The following BNIP3L variants were observed in gnomAD, a reference collection of about 807,000 sequenced individuals.
BNIP3L encodes the protein BCL2 interacting protein 3 like.
A neutral mutation model predicts 25.5 loss-of-function variants in BNIP3L; 10 were observed. The observed-to-expected ratio is 0.39, with a 90% CI of 0.24 to 0.67. The LOEUF is 0.67. Among genes scored for constraint, BNIP3L ranks in the 30% least tolerant of loss-of-function variants. The pLI, the probability that BNIP3L is intolerant of heterozygous loss-of-function variation, is 0.45. For synonymous variants in BNIP3L, 113 were observed against 101.2 expected (o/e 1.12, Z -0.70); for missense variants, 215 against 270.9 (o/e 0.79, Z 1.45).
intron 3 of BNIP3L, 122 bp downstream of exon 3, chr8:26,395,424 T>G: frequency 1.8e-6 from 2 of 1,092,052 alleles, no homozygotes; most frequent in Non-Finnish European, 2.6e-6. Flanking sequence ...ATTGAGTTTC[T>G]GATTTTGGAA....
rs1354841792 is a variant in BNIP3L, at chr8:26,395,265, A to G, written c.320A>G (p.Asp107Gly). Residue 107 changes from aspartate to glycine, a missense_variant, in exon 3 of 6, where the codon GAT (aspartate) becomes GGT (glycine). Physicochemically the swap from Asp to Gly is moderately conservative, Grantham distance 94 (BLOSUM62 -1). Coordinates refer to ENST00000380629, the MANE Select transcript of BNIP3L (RefSeq NM_004331.3). ...CAAGAAGATGGGCAGATCATGTTTG[A>G]TGTGGAAATGCACACCAGCAGGGAC... ...SPQEDGQIMF[D>G]VEMHTSRDHS... 1 of 1,614,092 alleles carries G rather than the reference A, an allele frequency of 6.2e-7. No individual in the cohort carries two copies. The highest frequency in any genetic ancestry group is 1.7e-5 in the Admixed American group (1 of 60,010).
intron 1 of BNIP3L, chr8:26,390,494 A>G: frequency 5.1e-6 from 5 of 985,462 alleles, no homozygotes; most frequent in Non-Finnish European, 6.0e-6. Context: ...GTGGGAGAGA[A>G]AAGAAAAAAG....
intron 1 of BNIP3L, 195 bp downstream of exon 1, chr8:26,383,425 T>A: frequency 7.1e-7 from 1 of 1,404,854 alleles, no homozygotes; most frequent in South Asian, 1.5e-5. Context: ...CTCTGTTGCC[T>A]CCTGGGGTCT....
At chr8:26,406,392 G>T (rs912222077) in intron 3 of BNIP3L, among the ~76,000 whole-genome samples, 1 of 152,156 alleles carries the variant, frequency 6.6e-6, no homozygotes, top group Non-Finnish European at 1.5e-5. Flanking sequence ...AGTATTCCTG[G>T]GTTTGAATAC....
At chr8:26,388,254 G>A (rs903066325) in intron 1 of BNIP3L, among the ~76,000 whole-genome samples, 3 of 152,168 alleles carry the variant, frequency 2.0e-5, no homozygotes, top group African/African-American at 4.8e-5. Flanking sequence ...TATAATTGTA[G>A]TAGCTAAAAC....
chr8:26,392,254 A>G (rs940117030), intron 2 of BNIP3L, among the ~76,000 whole-genome samples: 8 of 150,486 alleles, frequency 5.3e-5, no homozygotes, highest in Admixed American at 1.3e-4. Flanking sequence ...CACTGTTAGC[A>G]TTATGGGGCA....
chr8:26,390,755 A>G (rs867756464), intron 1 of BNIP3L, among the ~76,000 whole-genome samples: 1 of 152,308 alleles, frequency 6.6e-6, no homozygotes, highest in Middle Eastern at 3.4e-3. Context: ...TAAGTAGGAT[A>G]TAGTTGCTAA....
At chr8:26,391,048 T>G (rs1018977789) in intron 1 of BNIP3L, among the ~76,000 whole-genome samples, 195 bp from the exon 2 acceptor site, 1 of 151,740 alleles carries the variant, frequency 6.6e-6, no homozygotes, top group African/African-American at 2.4e-5. Flanking sequence ...TCTCAGTTGA[T>G]GGCATGAGCT....
At chr8:26,399,919 A>G (rs1806331250) in intron 3 of BNIP3L, among the ~76,000 whole-genome samples, 1 of 147,428 alleles carries the variant, frequency 6.8e-6, no homozygotes, top group Admixed American at 6.7e-5. Flanking sequence ...AAAAGAGGAT[A>G]CAAAGAAATG....
intron 5 of BNIP3L, among the ~76,000 whole-genome samples, chr8:26,408,732 C>T (rs1395592600): frequency 6.6e-6 from 1 of 151,978 alleles, no homozygotes; most frequent in Non-Finnish European, 1.5e-5. Flanking sequence ...ATTAGCTGGC[C>T]ATGGTGGTAC....
intron 3 of BNIP3L, among the ~76,000 whole-genome samples, chr8:26,397,214 G>C (rs1309883145): frequency 3.2e-5 from 1 of 30,996 alleles, no homozygotes; most frequent in Non-Finnish European, 6.5e-5. Context: ...GTTAAGGGCA[G>C]CCAGAGAGAA....
intron 3 of BNIP3L, among the ~76,000 whole-genome samples, chr8:26,407,624 G>A (rs757686108): frequency 3.3e-5 from 5 of 152,054 alleles, no homozygotes; most frequent in South Asian, 2.1e-4. Flanking sequence ...CACTGCACCC[G>A]GCCTAATTAC....
chr8:26,409,905 A>G (rs985615888), intron 5 of BNIP3L, among the ~76,000 whole-genome samples: 1 of 151,140 alleles, frequency 6.6e-6, no homozygotes, highest in Non-Finnish European at 1.5e-5. Flanking sequence ...AGTTATTAGT[A>G]AGAGCTGTCT....
At chr8:26,401,561 TAAAA>T (rs1173522728) in intron 3 of BNIP3L, among the ~76,000 whole-genome samples, 2 of 48,544 alleles carry the variant, frequency 4.1e-5, no homozygotes, top group African/African-American at 1.7e-4. Context: ...AAACTTAAAT[TAAAA>T]AAAAAAAACA....
chr8:26,408,418 A>T, intron 5 of BNIP3L, 42 bp downstream of exon 5: 3 of 1,565,098 alleles, frequency 1.9e-6, no homozygotes, highest in Non-Finnish European at 2.6e-6. Flanking sequence ...CATTCATTTT[A>T]TCCTCTTATT....
At chr8:26,383,405 C>T (rs1424173572) in intron 1 of BNIP3L, 175 bp downstream of exon 1, 4 of 1,434,410 alleles carry the variant, frequency 2.8e-6, no homozygotes, top group East Asian at 2.5e-5. Flanking sequence ...GCCTGCCTTG[C>T]TCCGGGCCTC....
chr8:26,394,826 C>G (rs955209496), intron 2 of BNIP3L, among the ~76,000 whole-genome samples: 1 of 152,152 alleles, frequency 6.6e-6, no homozygotes, highest in African/African-American at 2.4e-5. Flanking sequence ...ACCTTATGCA[C>G]TTTGAGAACT....
intron 3 of BNIP3L, among the ~76,000 whole-genome samples, chr8:26,406,797 C>G (rs1806508925): frequency 6.7e-6 from 1 of 149,950 alleles, no homozygotes; most frequent in Non-Finnish European, 1.5e-5. Flanking sequence ...CTGGGTGACA[C>G]AGGAGACCCT....
intron 1 of BNIP3L, among the ~76,000 whole-genome samples, chr8:26,385,912 T>G (rs530814434): frequency 2.6e-5 from 4 of 152,328 alleles, no homozygotes; most frequent in Admixed American, 2.6e-4. Flanking sequence ...TACACAACAC[T>G]GTACTGAACA....
Sources: gnomAD v4.1 joint callset for allele counts (sites outside exome capture counted in the v4.1 genomes callset) on GRCh38, gnomAD v4.1.1 for gene constraint, MANE v1.5 for transcripts, NCBI Gene and HGNC (gene_info 2026-07-23, HGNC 2026-07-21) for gene names.